The following OXGR1 variants were observed in gnomAD, a reference collection of about 807,000 sequenced individuals.
The protein encoded by OXGR1 is oxoglutarate receptor 1, also known as 2-oxoglutarate receptor 1.
Under a neutral mutation model 10.0 loss-of-function variants are expected in OXGR1, and 10 were observed. The observed-to-expected ratio is 1.00, with a 90% CI of 0.62 to 1.70. OXGR1 has a LOEUF of 1.70. OXGR1 is among the 40% of genes most tolerant of loss of function. The probability of loss-of-function intolerance (pLI) is 0.00; values close to 1 mark genes in which losing one functional copy is unlikely to be tolerated. For synonymous variants in OXGR1, 191 were observed against 155.9 expected, an observed-to-expected ratio of 1.22 and a Z score of -1.68; for missense variants, 398 against 407.6, an observed-to-expected ratio of 0.98 and a Z score of 0.20.
chr13:96,987,549 T>C lies in OXGR1; in HGVS notation c.211A>G (p.Ile71Val), dbSNP rs1593972764. The C allele has an allele frequency of 8.1e-6, 13 of 1,614,116 alleles. No homozygotes were observed. In the East Asian group the frequency reaches 2.7e-4, roughly 33 times the overall value. ...TCTGTGCAGGCCAGGTTCAGCATAA[T>C]GATGGTGCTGCTCTTCCAAGGTCTC... ...KMRPWKSSTI[I>V]MLNLACTDLL... Residue 71 changes from isoleucine (I) to valine (V), a missense_variant, in exon 4 of 4, where the codon ATT (isoleucine) becomes GTT (valine). By Grantham distance (29) the Ile-to-Val change is conservative. Transcript: ENST00000541038.
At chr13:96,991,380 C>T (rs887811135) in intron 2 of OXGR1, among the ~76,000 whole-genome samples, 1 of 152,172 alleles carries the variant, frequency 6.6e-6, no homozygotes, top group Non-Finnish European at 1.5e-5. Flanking sequence ...GGTCCACAAA[C>T]AAATCATTTC....
In OXGR1 at chr13:96,987,504, G is replaced by T; in HGVS notation, c.256C>A (p.Leu86Ile). ...ACTDLLYLTS[L>I]PFLIHYYASG... is the part of the protein sequence containing the mutation. ...GCATAGTAGTGAATCAGGAAGGGGA[G>T]GCTGGTCAGATACAGCAGATCTGTG... The change falls in exon 4 of 4, where the codon CTC becomes ATC. Residue 86 changes from leucine (L) to isoleucine (I), a missense_variant. Physicochemically the swap from Leu to Ile is conservative, Grantham distance 5 (BLOSUM62 2). Transcript: ENST00000541038. 6.2e-7 allele frequency: 1 copy of T among 1,614,188 alleles called. No homozygotes were observed. The highest frequency in any genetic ancestry group is 1.6e-4 in the Middle Eastern group (1 of 6,062).
In OXGR1 at chr13:96,990,773, G is replaced by A. The variant is rs540493874; in HGVS notation, c.-126-964C>T. Among the ~76,000 whole-genome samples the A allele has an allele frequency of 7.2e-4, 109 of 151,572 alleles. 1 individual carries two copies. The highest frequency in any genetic ancestry group is 6.8e-3 in the Middle Eastern group (2 of 294). The stretch of plus-strand genomic sequence containing the variant: ...TGCCTGGCCAGCATTGCAAAACTCC[G>A]TCTCTATTAAAAATACAAAAAAAAA... On this transcript the variant is annotated intron_variant, in intron 2 of 3. Coordinates refer to ENST00000541038, the MANE Select transcript of OXGR1 (RefSeq NM_001346194.2).
intron 2 of OXGR1, 67 bp downstream of exon 2, chr13:96,992,355 A>G (rs1882099050): frequency 6.6e-6 from 1 of 152,208 alleles, no homozygotes; most frequent in Non-Finnish European, 1.5e-5. Flanking sequence ...TGTACCCCAT[A>G]ATTATATATA....
intron 3 of OXGR1, among the ~76,000 whole-genome samples, chr13:96,989,160 T>C (rs1161472487): frequency 6.6e-6 from 1 of 152,234 alleles, no homozygotes; most frequent in Admixed American, 6.5e-5. Context: ...TCATTTGATG[T>C]ATGAATGGTA....
chr13:96,991,588 T>A (rs1882060905), intron 2 of OXGR1, among the ~76,000 whole-genome samples: 1 of 152,182 alleles, frequency 6.6e-6, no homozygotes, highest in African/African-American at 2.4e-5. Flanking sequence ...TCAGCATGAA[T>A]AAAAGCCAGC....
intron 1 of OXGR1, among the ~76,000 whole-genome samples, chr13:96,993,578 G>A (rs966486875): frequency 1.3e-5 from 2 of 152,152 alleles, no homozygotes; most frequent in Admixed American, 6.5e-5. Flanking sequence ...ACTATTAAGA[G>A]GTCATGTTGA....
chr13:96,991,807 T>C (rs1468200940), intron 2 of OXGR1, among the ~76,000 whole-genome samples: 5 of 152,160 alleles, frequency 3.3e-5, no homozygotes, highest in Admixed American at 1.3e-4. Flanking sequence ...CTGTTCACAG[T>C]AGCCAAGATT....
intron 3 of OXGR1, among the ~76,000 whole-genome samples, chr13:96,988,702 G>A (rs923001892): frequency 1.3e-5 from 2 of 152,154 alleles, no homozygotes; most frequent in Non-Finnish European, 2.9e-5. Flanking sequence ...ATTTAGTAGC[G>A]TGTTCCTAAG....
intron 3 of OXGR1, among the ~76,000 whole-genome samples, chr13:96,989,135 T>C (rs538011095): frequency 2.6e-5 from 4 of 152,322 alleles, no homozygotes; most frequent in African/African-American, 7.2e-5. Context: ...TATTACGTGA[T>C]TGTTAGTTGC....
Position 96,987,640 on chromosome 13 carries a change from A to G in OXGR1, c.120T>C (p.Tyr40=), listed in dbSNP as rs1476293302. Residue 40 remains tyrosine (Y), a synonymous_variant, in exon 4 of 4, where the codon TAT becomes TAC. Transcript: ENST00000541038. ...PLKMHYLPVI[Y]GIIFLVGFPG... is the part of the protein sequence containing the mutation. ...GAAATCCCACGAGGAAGATAATGCC[A>G]TAAATAACAGGGAGGTAGTGCATCT... 1 of 1,614,220 alleles carries G rather than the reference A, an allele frequency of 6.2e-7. No individual in the cohort carries two copies. Among genetic ancestry groups the G allele is most frequent in the Non-Finnish European group, 8.5e-7 (1 of 1,180,014 alleles).
At chr13:96,992,241 A>T (rs1264842604) in intron 2 of OXGR1, among the ~76,000 whole-genome samples, 181 bp downstream of exon 2, 1 of 152,164 alleles carries the variant, frequency 6.6e-6, no homozygotes, top group Non-Finnish European at 1.5e-5. Context: ...AGGTAAGTGG[A>T]TTGTTTGTAT....
At chr13:96,992,304 T>C (rs1196881267) in intron 2 of OXGR1, 118 bp downstream of exon 2, 1 of 152,210 alleles carries the variant, frequency 6.6e-6, no homozygotes, top group Non-Finnish European at 1.5e-5. Context: ...TTCTCTATGA[T>C]GTGCTTATTT....
At chr13:96,992,885 G>A (rs1038462122) in intron 1 of OXGR1, among the ~76,000 whole-genome samples, 1 of 152,148 alleles carries the variant, frequency 6.6e-6, no homozygotes, top group Admixed American at 6.5e-5. Flanking sequence ...GCCAATGGAC[G>A]AGGGAGGTGC....
chr13:96,987,271 T>A lies in OXGR1; in HGVS notation c.489A>T (p.Val163=). ...ACAVVWIISL[V]AVIPMTFLIT... ...TCAAGAAGGTCATCGGAATGACAGC[T>A]ACCAGTGAAATGATCCACACCACAG... The change falls in exon 4 of 4, where the codon GTA becomes GTT. Residue 163 remains valine, a synonymous_variant. Coordinates refer to ENST00000541038, the MANE Select transcript of OXGR1 (RefSeq NM_001346194.2). 6.2e-7 allele frequency: 1 copy of A among 1,614,166 alleles called. No individual in the cohort carries two copies.
intron 3 of OXGR1, 58 bp downstream of exon 3, chr13:96,989,700 A>G (rs1881956088): frequency 3.3e-5 from 5 of 152,218 alleles, no homozygotes; most frequent in Admixed American, 2.0e-4. Context: ...TCTCACAATG[A>G]GTAGGCAAGA....
chr13:96,986,859 G>A lies in OXGR1; in HGVS notation c.901C>T (p.Leu301=). 1.9e-6 allele frequency: 3 copies of A among 1,614,158 alleles called. No individual in the cohort carries two copies. The highest frequency in any genetic ancestry group is 2.5e-6 in the Non-Finnish European group (3 of 1,180,024). Reference sequence around the variant, plus strand: ...AAGTTGTCGCTGACCACCACATATAGTAACAGGTTACCAAAGGTGTTCAGA... The same window carrying A: ...AAGTTGTCGCTGACCACCACATATAATAACAGGTTACCAAAGGTGTTCAGA... ...AALNTFGNLL[L]YVVVSDNFQQ... Residue 301 remains leucine (L), a synonymous_variant, in exon 4 of 4, where the codon CTA becomes TTA. Coordinates refer to ENST00000541038, the MANE Select transcript of OXGR1 (RefSeq NM_001346194.2).
Position 96,986,836 on chromosome 13 carries a change from G to A in OXGR1, c.924C>T (p.Asn308=). The change falls in exon 4 of 4, where the codon AAC becomes AAT. Residue 308 remains asparagine (N), a synonymous_variant. Transcript: ENST00000541038. The part of the protein sequence containing the change: ...NLLLYVVVSD[N]FQQAVCSTVR... ...CTGTTGAGCAGACAGCCTGCTGAAA[G>A]TTGTCGCTGACCACCACATATAGTA... 2.5e-6 allele frequency: 4 copies of A among 1,614,194 alleles called. No individual in the cohort carries two copies. In the East Asian group the frequency reaches 6.7e-5, roughly 27 times the overall value.
intron 1 of OXGR1, among the ~76,000 whole-genome samples, chr13:96,992,778 T>C (rs1422206980): frequency 1.3e-5 from 2 of 152,228 alleles, no homozygotes; most frequent in African/African-American, 4.8e-5. Flanking sequence ...CCTGTACCTC[T>C]CCCTGCTCTC....
Sources: gnomAD v4.1 joint callset for allele counts (sites outside exome capture counted in the v4.1 genomes callset) on GRCh38, gnomAD v4.1.1 for gene constraint, MANE v1.5 for transcripts, NCBI Gene and HGNC (gene_info 2026-07-23, HGNC 2026-07-21) for gene names.